Variants in IGSF5 observed in about 807,000 individuals in gnomAD.
IGSF5 encodes immunoglobulin superfamily 5 like.
Under a neutral mutation model 39.4 loss-of-function variants are expected in IGSF5, and 41 were observed. That is an observed-to-expected ratio of 1.04 (90% confidence interval 0.81 to 1.35). IGSF5 has a LOEUF of 1.35. IGSF5 is among the 40% of genes most tolerant of loss of function. The probability of loss-of-function intolerance (pLI) is 0.00; values close to 1 mark genes in which losing one functional copy is unlikely to be tolerated. For synonymous variants in IGSF5, 183 were observed against 175.3 expected (o/e 1.04, Z -0.34); for missense variants, 487 against 494.6 (o/e 0.98, Z 0.15).
chr21:39,783,266 T>C (rs984998240), intron 5 of IGSF5, among the ~76,000 whole-genome samples: 2 of 152,222 alleles, frequency 1.3e-5, no homozygotes, highest in African/African-American at 4.8e-5. Context: ...AGCTCTATTT[T>C]TAGTTTTTTT....
chr21:39,748,104 C>G (rs1453382918), intron 2 of IGSF5, among the ~76,000 whole-genome samples: 1 of 152,046 alleles, frequency 6.6e-6, no homozygotes, highest in Non-Finnish European at 1.5e-5. Flanking sequence ...ACTGCTACAA[C>G]AGAATACTAG....
chr21:39,744,243 A>G (rs1734854), upstream of IGSF5, among the ~76,000 whole-genome samples: 118,336 of 150,188 alleles, frequency 0.79, 46,654 homozygotes, highest in Admixed American at 0.85. Context: ...TGCGCTCAGG[A>G]GTGAGTCCTA....
intron 3 of IGSF5, 23 bp from the exon 4 acceptor site, chr21:39,770,893 T>A: frequency 6.9e-7 from 1 of 1,439,370 alleles, no homozygotes; most frequent in Non-Finnish European, 9.2e-7. Flanking sequence ...GTCTTCAATG[T>A]GTTTCTCTCT....
At chr21:39,778,764 C>T (rs919101044) in intron 4 of IGSF5, among the ~76,000 whole-genome samples, 2 of 152,190 alleles carry the variant, frequency 1.3e-5, no homozygotes, top group Non-Finnish European at 2.9e-5. Context: ...GGATGTCAAA[C>T]GTGACCATCA....
At chr21:39,746,433 C>G in intron 2 of IGSF5, 135 bp downstream of exon 2, 1 of 559,324 alleles carries the variant, frequency 1.8e-6, no homozygotes, top group Non-Finnish European at 3.2e-6. Flanking sequence ...TGCTCCCATC[C>G]CTCTTTTTCT....
chr21:39,793,591 G>T lies in IGSF5; in HGVS notation c.1106G>T (p.Ser369Ile). The part of the protein sequence containing the change: ...CESSDPEQRN[S>I]SCGPPHQRAD... ...TCCAGTGATCCTGAACAAAGAAACA[G>T]TAGCTGTGGCCCTCCTCACCAGGTA... Residue 369 changes from serine (S) to isoleucine (I), a missense_variant, in exon 8 of 9, where the codon AGT (serine) becomes ATT (isoleucine). Transcript: ENST00000380588. The T allele has an allele frequency of 1.2e-6, 2 of 1,613,926 alleles. No individual in the cohort carries two copies. The highest frequency in any genetic ancestry group is 1.7e-6 in the Non-Finnish European group (2 of 1,179,856).
intron 2 of IGSF5, among the ~76,000 whole-genome samples, chr21:39,763,629 T>C (rs570338550): frequency 1.0e-3 from 153 of 152,242 alleles, no homozygotes; most frequent in Non-Finnish European, 1.9e-3. Flanking sequence ...CTGTTGGCAT[T>C]GTGTGGCCCG....
the IGSF5 span, among the ~76,000 whole-genome samples, chr21:39,735,356 A>G: frequency 1.4e-4 from 22 of 152,206 alleles, no homozygotes; most frequent in Non-Finnish European, 2.9e-4. Context: ...TTAAAAATTC[A>G]TAACGCTTAA....
chr21:39,753,981 C>T (rs2080018001), intron 2 of IGSF5, among the ~76,000 whole-genome samples: 1 of 151,794 alleles, frequency 6.6e-6, no homozygotes, highest in Non-Finnish European at 1.5e-5. Flanking sequence ...AACATTTAGG[C>T]CATTTACATT....
chr21:39,737,178 G>A, the IGSF5 span, among the ~76,000 whole-genome samples: 2 of 149,156 alleles, frequency 1.3e-5, no homozygotes, highest in East Asian at 2.0e-4. Context: ...CCTCTTGTTC[G>A]TGTGAAAAAA....
intron 4 of IGSF5, among the ~76,000 whole-genome samples, chr21:39,776,160 C>T (rs2080139332): frequency 6.6e-6 from 1 of 151,146 alleles, no homozygotes; most frequent in South Asian, 2.1e-4. Flanking sequence ...AAATTAGCTC[C>T]ATACTAAACA....
At chr21:39,726,237 T>C in the IGSF5 span, among the ~76,000 whole-genome samples, 2 of 152,060 alleles carry the variant, frequency 1.3e-5, no homozygotes, top group Non-Finnish European at 2.9e-5. Context: ...GTGTGGACTT[T>C]GAAAGAGTTT....
intron 4 of IGSF5, 138 bp downstream of exon 4, chr21:39,771,353 C>A: frequency 3.0e-6 from 2 of 657,712 alleles, no homozygotes; most frequent in Non-Finnish European, 4.7e-6. Context: ...TAAGGCCAAT[C>A]ACATCTGCTG....
intron 2 of IGSF5, among the ~76,000 whole-genome samples, chr21:39,764,401 C>A (rs1323901017): frequency 6.6e-6 from 1 of 152,142 alleles, no homozygotes. Flanking sequence ...AGTGCGGTGG[C>A]GTGATCTCGG....
At chr21:39,720,985 G>A in the IGSF5 span, among the ~76,000 whole-genome samples, 1 of 152,216 alleles carries the variant, frequency 6.6e-6, no homozygotes, top group African/African-American at 2.4e-5. Flanking sequence ...ATGTCACGTG[G>A]CTGGTGGATT....
the IGSF5 span, among the ~76,000 whole-genome samples, chr21:39,715,893 G>T: frequency 5.3e-5 from 8 of 152,224 alleles, no homozygotes; most frequent in African/African-American, 1.4e-4. Flanking sequence ...GGGTGTGTGT[G>T]GGGGGGTGGC....
chr21:39,714,743 C>T, the IGSF5 span, among the ~76,000 whole-genome samples: 1 of 152,184 alleles, frequency 6.6e-6, no homozygotes, highest in Non-Finnish European at 1.5e-5. Context: ...TTTATAAGGA[C>T]ACCAGGCACA....
the IGSF5 span, among the ~76,000 whole-genome samples, chr21:39,718,297 A>C: frequency 6.6e-6 from 1 of 152,192 alleles, no homozygotes; most frequent in East Asian, 1.9e-4. Flanking sequence ...CTACAAAAAG[A>C]GATAAGTTTG....
chr21:39,714,503 C>A, the IGSF5 span, among the ~76,000 whole-genome samples: 1 of 152,190 alleles, frequency 6.6e-6, no homozygotes, highest in Non-Finnish European at 1.5e-5. Context: ...GTATCACACA[C>A]TGGGTGGCTT....
Sources: allele counts gnomAD v4.1 joint callset (sites outside exome capture counted in the v4.1 genomes callset), GRCh38; gene constraint gnomAD v4.1.1; transcripts MANE v1.5; gene names NCBI Gene and HGNC (gene_info 2026-07-23, HGNC 2026-07-21).